Variants in RNF19A observed in about 807,000 individuals in gnomAD.
RNF19A encodes the protein ring finger protein 19A, RBR E3 ubiquitin protein ligase.
In RNF19A, 32 loss-of-function variants were observed where a neutral mutation model predicts 75.7. The observed-to-expected ratio is 0.42, with a 90% confidence interval of 0.32 to 0.57. The LOEUF (loss-of-function observed/expected upper bound fraction) is 0.57, where lower values mean the gene tolerates loss of function less well. Ranked by LOEUF, RNF19A falls within the 20% of genes least tolerant of loss-of-function variation. The pLI is 0.10. For synonymous variants in RNF19A, 335 were observed against 345.2 expected (o/e 0.97, Z 0.33); for missense variants, 782 against 1,036.3 (o/e 0.75, Z 3.37).
chr8:100,294,080 C>A (rs1821433007), intron 1 of RNF19A, among the ~76,000 whole-genome samples: 1 of 152,138 alleles, frequency 6.6e-6, no homozygotes, highest in African/African-American at 2.4e-5. Context: ...GCAGAGTCTG[C>A]TACCTATTTT....
At chr8:100,280,290 C>G (rs1820721703) in intron 2 of RNF19A, among the ~76,000 whole-genome samples, 1 of 151,978 alleles carries the variant, frequency 6.6e-6, no homozygotes, top group Non-Finnish European at 1.5e-5. Flanking sequence ...AAATATATCC[C>G]CCAAACTAGC....
At chr8:100,283,820 G>A (rs1220363087) in intron 2 of RNF19A, among the ~76,000 whole-genome samples, 2 of 152,080 alleles carry the variant, frequency 1.3e-5, no homozygotes, top group African/African-American at 4.8e-5. Context: ...TAATAAAAGG[G>A]TTAAATACTA....
In RNF19A at chr8:100,287,289, A is replaced by T. The variant is rs925551325; in HGVS notation, c.674+212T>A. Among the ~76,000 whole-genome samples, 1 of 152,176 alleles carries T rather than the reference A, an allele frequency of 6.6e-6. No homozygotes were observed. The highest frequency in any genetic ancestry group is 1.5e-5 in the Non-Finnish European group (1 of 68,032). On this transcript the variant is annotated intron_variant, in intron 2 of 9. Transcript: ENST00000341084. This position sits in a 1 kb window ranked among gnomAD's most constrained non-coding sequence, Gnocchi z 4.1. ...TTACCCTTTCCTTCTAAAAGTGCTC[A>T]GTGAGTATGTAACGCAGAGACGATA...
At chr8:100,299,896 T>G (rs993497681) in intron 1 of RNF19A, among the ~76,000 whole-genome samples, 1 of 152,248 alleles carries the variant, frequency 6.6e-6, no homozygotes, top group African/African-American at 2.4e-5. Flanking sequence ...GAAGCTCATT[T>G]GTCTCTTTCT....
Position 100,258,988 on chromosome 8 carries a change from T to G in RNF19A, c.2085A>C (p.Ala695=), listed in dbSNP as rs1254315906. The change falls in exon 10 of 10, where the codon GCA becomes GCC. Residue 695 remains alanine, a synonymous_variant. Transcript: ENST00000341084. This position sits in a 1 kb window ranked among gnomAD's most constrained non-coding sequence, Gnocchi z 4.3. ...TCGTGCTTTGTTGTTCTAACAACTG[T>G]GCATCCATGTCCTCTCTCGTCTCAT... ...KINETREDMD[A]QLLEQQSTNS... 6.2e-7 allele frequency: 1 copy of G among 1,614,236 alleles called. No individual in the cohort carries two copies. Among genetic ancestry groups the G allele is most frequent in the South Asian group, 1.1e-5 (1 of 91,080 alleles).
intron 1 of RNF19A, among the ~76,000 whole-genome samples, chr8:100,294,582 C>T (rs1821463956): frequency 7.3e-6 from 1 of 137,710 alleles, no homozygotes; most frequent in African/African-American, 3.0e-5. Context: ...ACTTAACTTC[C>T]ATCCCCTGAT....
At chr8:100,294,824 C>T (rs1368941593) in intron 1 of RNF19A, among the ~76,000 whole-genome samples, 2 of 152,138 alleles carry the variant, frequency 1.3e-5, no homozygotes, top group Non-Finnish European at 2.9e-5. Flanking sequence ...AATATAACTG[C>T]TTACTAGACT....
rs78800094 is a variant in RNF19A, at chr8:100,280,252, C to T, written c.675-5091G>A. 7.3e-3 allele frequency among the ~76,000 whole-genome samples: 1,116 copies of T among 152,210 alleles called. 8 individuals carry two copies. The highest frequency in any genetic ancestry group is 0.023 in the African/African-American group (968 of 41,526). On this transcript the variant is annotated intron_variant, in intron 2 of 9. Transcript: ENST00000341084. Reference sequence around the variant, plus strand: ...GTTCATCATACTATGACGGAGATACCTGACTTTGGCCACCTGGCATTTGGT... The same window carrying T: ...GTTCATCATACTATGACGGAGATACTTGACTTTGGCCACCTGGCATTTGGT...
At chr8:100,318,781 C>G (rs1245796239) in intron 1 of RNF19A, among the ~76,000 whole-genome samples, 1 of 152,192 alleles carries the variant, frequency 6.6e-6, no homozygotes, top group Admixed American at 6.5e-5. Context: ...TTTACATAGC[C>G]CAATTTGATA....
chr8:100,281,259 A>G (rs1820770449), intron 2 of RNF19A, among the ~76,000 whole-genome samples: 1 of 152,220 alleles, frequency 6.6e-6, no homozygotes, highest in Admixed American at 6.5e-5. Context: ...TGTTCACTGC[A>G]TTGTTAACAG....
At chr8:100,298,253 G>A (rs1821665811) in intron 1 of RNF19A, among the ~76,000 whole-genome samples, 1 of 150,734 alleles carries the variant, frequency 6.6e-6, no homozygotes, top group Admixed American at 6.6e-5. Context: ...ACAAATGCTT[G>A]GCTCTGAAAT....
At position 100,287,487 on chromosome 8, in the gene RNF19A, C is replaced by A; in HGVS notation, c.674+14G>T. 1 of 1,552,392 alleles carries A rather than the reference C, an allele frequency of 6.4e-7. No homozygotes were observed. The highest frequency in any genetic ancestry group is 1.2e-5 in the South Asian group (1 of 82,410). On this transcript the variant is annotated intron_variant, in intron 2 of 9. Coordinates refer to ENST00000341084, the MANE Select transcript of RNF19A (RefSeq NM_183419.4). The surrounding 1 kb of genome is among the most constrained non-coding windows in gnomAD (Gnocchi z 4.1). ...AAAAATTAACTCAAGAAAAATCAAA[C>A]ATTATCTTCTTACCCACAGTCTGGA...
chr8:100,261,705 T>G lies in RNF19A; in HGVS notation c.1519A>C (p.Ser507Arg). 2 of 1,614,144 alleles carry G rather than the reference T, an allele frequency of 1.2e-6. No homozygotes were observed. The highest frequency in any genetic ancestry group is 1.7e-6 in the Non-Finnish European group (2 of 1,180,006). ...ARHNPSIGEG[S>R]VGGLTGSLSA... ...AAACTGCCAGTCAGCCCACCAACAC[T>G]TCCCTCCCCTATGCTTGGGTTGTGT... Residue 507 changes from serine to arginine, a missense_variant, in exon 8 of 10, where the codon AGT becomes CGT. Physicochemically the swap from Ser to Arg is moderately radical, Grantham distance 110. Transcript: ENST00000341084. This position sits in a 1 kb window ranked among gnomAD's most constrained non-coding sequence, Gnocchi z 4.4.
intron 3 of RNF19A, among the ~76,000 whole-genome samples, chr8:100,274,437 A>C (rs1820405673): frequency 6.6e-6 from 1 of 152,248 alleles, no homozygotes; most frequent in Admixed American, 6.5e-5. Flanking sequence ...AAGTATAAAA[A>C]AACATTTATG....
At chr8:100,288,775 T>C (rs958685589) in intron 1 of RNF19A, among the ~76,000 whole-genome samples, 2 of 152,032 alleles carry the variant, frequency 1.3e-5, no homozygotes, top group Admixed American at 6.6e-5. Flanking sequence ...AAAAGTCCCA[T>C]ATAGGCCAGG....
intron 1 of RNF19A, among the ~76,000 whole-genome samples, chr8:100,327,548 G>A (rs1416900491): frequency 6.6e-6 from 1 of 152,116 alleles, no homozygotes; most frequent in Non-Finnish European, 1.5e-5. Flanking sequence ...ACTGTGCCTG[G>A]CCACAATTAC....
At chr8:100,281,058 T>G (rs1018404300) in intron 2 of RNF19A, among the ~76,000 whole-genome samples, 1 of 152,206 alleles carries the variant, frequency 6.6e-6, no homozygotes. Context: ...CCCCCAGACC[T>G]TAGTTTAGTG....
intron 1 of RNF19A, among the ~76,000 whole-genome samples, chr8:100,335,265 A>G (rs1446224015): frequency 2.6e-5 from 4 of 152,228 alleles, no homozygotes; most frequent in Non-Finnish European, 5.9e-5. Context: ...CCAGGTACCC[A>G]TCCTAAATGT....
At position 100,261,547 on chromosome 8, in the gene RNF19A, A is replaced by T; in HGVS notation, c.1677T>A (p.Phe559Leu). ...SLSGSAMVNC[F>L]NRLEVQADVQ... is the part of the protein sequence containing the mutation. Reference sequence around the variant, plus strand: ...AACCAAACCAAAACACACACCTGTTAAAACAGTTTACCATGGCACTTCCTG... The same window carrying T: ...AACCAAACCAAAACACACACCTGTTTAAACAGTTTACCATGGCACTTCCTG... The change falls in exon 8 of 10, where the codon TTT becomes TTA. Residue 559 changes from phenylalanine to leucine, a missense_variant. Phe to Leu is a conservative substitution (Grantham distance 22). Transcript: ENST00000341084. This position sits in a 1 kb window ranked among gnomAD's most constrained non-coding sequence, Gnocchi z 4.4. 1.2e-6 allele frequency: 2 copies of T among 1,613,858 alleles called. No homozygotes were observed. Among genetic ancestry groups the T allele is most frequent in the Non-Finnish European group, 1.7e-6 (2 of 1,179,794 alleles).
Sources: allele counts gnomAD v4.1 joint callset (sites outside exome capture counted in the v4.1 genomes callset), GRCh38; gene constraint gnomAD v4.1.1; non-coding constraint Gnocchi (gnomAD v3.1); transcripts MANE v1.5; gene names NCBI Gene and HGNC (gene_info 2026-07-23, HGNC 2026-07-21).